The following EML4 variants were observed in gnomAD, a reference collection of about 807,000 sequenced individuals.
EML4 encodes the protein echinoderm microtubule-associated protein-like 4.
A neutral mutation model predicts 129.0 loss-of-function variants in EML4; 72 were observed. The observed-to-expected ratio is 0.56, with a 90% CI of 0.46 to 0.68. EML4 has a LOEUF of 0.68. EML4 is among the 30% of genes least tolerant of loss of function. The pLI is 0.00. For missense variants in EML4, 1,363 were observed against 1,190.6 expected (o/e 1.14, Z -2.13); for synonymous variants, 532 against 405.0 (o/e 1.31, Z -3.77).
chr2:42,190,027 C>A, intron 1 of EML4, among the ~76,000 whole-genome samples: 1 of 150,594 alleles, frequency 6.6e-6, no homozygotes. Context: ...TGGTGTTTTA[C>A]AACCAGAAGA....
At chr2:42,327,821 A>C (rs1387080293) in intron 21 of EML4, among the ~76,000 whole-genome samples, 1 of 152,270 alleles carries the variant, frequency 6.6e-6, no homozygotes, top group Non-Finnish European at 1.5e-5. Flanking sequence ...AAAGCAATAC[A>C]CAAAAATTAA....
At position 42,303,093 on chromosome 2, in the gene EML4, T is replaced by C; in HGVS notation, c.1642-11T>C. The C allele has an allele frequency of 6.2e-7, 1 of 1,613,244 alleles. No homozygotes were observed. Among genetic ancestry groups the C allele is most frequent in the Non-Finnish European group, 8.5e-7 (1 of 1,179,768 alleles). ...AGTATGTATATGGTGACTTTACACTTTTTTTTCTAGGTTCCTGATCAGTAT... is the reference window on the plus strand; with the variant it reads ...AGTATGTATATGGTGACTTTACACTCTTTTTTCTAGGTTCCTGATCAGTAT... On this transcript the variant is annotated splice_polypyrimidine_tract_variant and intron_variant, in intron 14 of 22. Coordinates refer to ENST00000318522, the MANE Select transcript of EML4 (RefSeq NM_019063.5).
At chr2:42,230,614 C>T (rs1001510039) in intron 1 of EML4, among the ~76,000 whole-genome samples, 11 of 152,112 alleles carry the variant, frequency 7.2e-5, no homozygotes, top group African/African-American at 2.2e-4. Flanking sequence ...TCATGTTGGC[C>T]AGGCTGGTCT....
intron 1 of EML4, among the ~76,000 whole-genome samples, chr2:42,212,228 C>A (rs1672926222): frequency 6.6e-6 from 1 of 152,118 alleles, no homozygotes; most frequent in South Asian, 2.1e-4. Context: ...ACTTTCTGAT[C>A]ATCTGTTAAG....
chr2:42,187,399 C>A (rs1671323242), intron 1 of EML4, among the ~76,000 whole-genome samples: 1 of 152,028 alleles, frequency 6.6e-6, no homozygotes, highest in South Asian at 2.1e-4. Context: ...AATCTGTGGT[C>A]TTTTTTGTGC....
chr2:42,188,909 C>G (rs961641961), intron 1 of EML4, among the ~76,000 whole-genome samples: 1 of 152,158 alleles, frequency 6.6e-6, no homozygotes, highest in Admixed American at 6.5e-5. Flanking sequence ...GCAGGAGGAT[C>G]GCTTGAGCCC....
intron 1 of EML4, among the ~76,000 whole-genome samples, chr2:42,199,485 G>C (rs72796522): frequency 0.045 from 6,814 of 152,310 alleles, 213 homozygotes; most frequent in South Asian, 0.087. Flanking sequence ...GGTTTTGCAG[G>C]AGACTTTTGG....
At chr2:42,282,679 A>G (rs1195176271) in intron 7 of EML4, 144 bp from the exon 8 acceptor site, 1 of 704,734 alleles carries the variant, frequency 1.4e-6, no homozygotes, top group Non-Finnish European at 2.4e-6. Flanking sequence ...ACGTGTGAGC[A>G]CTCTGCCCGT....
At chr2:42,206,050 A>G (rs1672520869) in intron 1 of EML4, among the ~76,000 whole-genome samples, 1 of 152,054 alleles carries the variant, frequency 6.6e-6, no homozygotes, top group South Asian at 2.1e-4. Context: ...TCATTTGACA[A>G]TTACTCTTGT....
intron 1 of EML4, among the ~76,000 whole-genome samples, chr2:42,198,412 G>A (rs2103945424): frequency 6.6e-6 from 1 of 152,102 alleles, no homozygotes; most frequent in Non-Finnish European, 1.5e-5. Flanking sequence ...CTGTTTTAAT[G>A]AGTTGGGAGG....
chr2:42,242,263 A>C (rs757040557), intron 1 of EML4, among the ~76,000 whole-genome samples: 3 of 152,214 alleles, frequency 2.0e-5, no homozygotes, highest in Non-Finnish European at 1.5e-5. Context: ...ATATAAAGAT[A>C]TAGCTCATCT....
At chr2:42,270,773 G>C (rs11691536) in intron 6 of EML4, among the ~76,000 whole-genome samples, 1 of 152,080 alleles carries the variant, frequency 6.6e-6, no homozygotes, top group Non-Finnish European at 1.5e-5. Context: ...TTTTACCAAG[G>C]TGGTATCCCA....
rs1011571144 is a variant in EML4, at chr2:42,236,619, A to G, written c.26-8886A>G. 2.9e-4 allele frequency among the ~76,000 whole-genome samples: 44 copies of G among 152,166 alleles called. 1 individual carries two copies. The highest frequency in any genetic ancestry group is 1.0e-3 in the Admixed American group (16 of 15,288). ...TCTGCAAAGCCTAAAATATTTAACT[A>G]TTTTCCCCTTTACAGAAAAGTTTGT... On this transcript the variant is annotated intron_variant, in intron 1 of 22. Transcript: ENST00000318522.
chr2:42,209,400 C>G (rs1672748712), intron 1 of EML4, among the ~76,000 whole-genome samples: 1 of 152,040 alleles, frequency 6.6e-6, no homozygotes, highest in African/African-American at 2.4e-5. Flanking sequence ...TATTCATGAT[C>G]TGATTTAATC....
At chr2:42,199,802 A>T (rs565216514) in intron 1 of EML4, among the ~76,000 whole-genome samples, 3 of 152,194 alleles carry the variant, frequency 2.0e-5, no homozygotes, top group Non-Finnish European at 4.4e-5. Flanking sequence ...GCGTCACAGA[A>T]ATCCGAGGCC....
chr2:42,255,051 G>A (rs77989490), intron 2 of EML4, among the ~76,000 whole-genome samples: 119 of 152,068 alleles, frequency 7.8e-4, no homozygotes, highest in African/African-American at 2.6e-3. Context: ...GGTACAGGGA[G>A]TGACTGCTTA....
chr2:42,275,854 G>GT (rs1427199773), intron 6 of EML4, among the ~76,000 whole-genome samples: 1 of 151,950 alleles, frequency 6.6e-6, no homozygotes, highest in Non-Finnish European at 1.5e-5. Flanking sequence ...GAGGCAGGTA[G>GT]TTTTCCTCAC....
At chr2:42,243,374 T>C (rs1295450555) in intron 1 of EML4, among the ~76,000 whole-genome samples, 2 of 151,502 alleles carry the variant, frequency 1.3e-5, no homozygotes, top group Non-Finnish European at 3.0e-5. Flanking sequence ...ACTTAAAATA[T>C]AAAAATTTCT....
intron 2 of EML4, among the ~76,000 whole-genome samples, chr2:42,251,413 C>T (rs1165308245): frequency 6.6e-6 from 1 of 152,182 alleles, no homozygotes; most frequent in African/African-American, 2.4e-5. Flanking sequence ...TACAGAGTGC[C>T]ATTTCTATAT....
Sources: gnomAD v4.1 joint callset for allele counts (sites outside exome capture counted in the v4.1 genomes callset) on GRCh38, gnomAD v4.1.1 for gene constraint, MANE v1.5 for transcripts, NCBI Gene and HGNC (gene_info 2026-07-23, HGNC 2026-07-21) for gene names.